Variants in PIBF1 observed in about 807,000 individuals in gnomAD.
PIBF1 encodes the protein progesterone-induced-blocking factor 1.
In PIBF1, 90 loss-of-function variants were observed where a neutral mutation model predicts 112.5. The ratio of observed to expected loss-of-function variants is 0.80; its 90% CI spans 0.67 to 0.95. The LOEUF is 0.95. Ranked by LOEUF, PIBF1 falls within the 40% of genes least tolerant of loss-of-function variation. The probability of loss-of-function intolerance (pLI) is 0.00; values close to 1 mark genes in which losing one functional copy is unlikely to be tolerated. For missense variants in PIBF1, 915 were observed against 852.3 expected, an observed-to-expected ratio of 1.07 and a Z score of -0.92; for synonymous variants, 301 against 288.6, an observed-to-expected ratio of 1.04 and a Z score of -0.44.
intron 5 of PIBF1, among the ~76,000 whole-genome samples, chr13:72,804,502 C>T (rs2035628310): frequency 6.6e-6 from 1 of 152,282 alleles, no homozygotes; most frequent in African/African-American, 2.4e-5. Context: ...CTGTCTGTGA[C>T]ATTCCTTCCC....
At chr13:72,792,641 T>G (rs777819125) in intron 3 of PIBF1, 94 bp downstream of exon 3, 3 of 635,918 alleles carry the variant, frequency 4.7e-6, no homozygotes, top group Non-Finnish European at 7.9e-6. Flanking sequence ...TAAGCTAAAA[T>G]AGAGAAATTT....
At chr13:72,855,639 ACT>A (rs755362513) in intron 10 of PIBF1, among the ~76,000 whole-genome samples, 1 of 152,008 alleles carries the variant, frequency 6.6e-6, no homozygotes, top group East Asian at 1.9e-4. Context: ...ACAGAGTGAG[ACT>A]CTGTCTCAAA....
rs552519129 is a variant in PIBF1 at position 72,978,804 on chromosome 13, G to A, written c.2049+5129G>A. On this transcript the variant is annotated intron_variant, in intron 16 of 17. Transcript: ENST00000326291. ...CCTAAATAATTAGATATTGAAAAGA[G>A]GTAAAAGGAAAAGATAAACTGATAG... is the stretch of plus-strand genomic sequence containing the variant. 4.9e-4 allele frequency among the ~76,000 whole-genome samples: 75 copies of A among 152,188 alleles called. 1 individual carries two copies. Among genetic ancestry groups the A allele is most frequent in the Non-Finnish European group, 8.4e-4 (57 of 68,014 alleles).
intron 9 of PIBF1, among the ~76,000 whole-genome samples, chr13:72,850,727 C>T (rs138989541): frequency 4.6e-5 from 7 of 151,890 alleles, no homozygotes; most frequent in African/African-American, 9.7e-5. Context: ...TACATCATTT[C>T]GAAATGAAAA....
At chr13:72,899,568 C>T (rs1384551954) in intron 11 of PIBF1, among the ~76,000 whole-genome samples, 1 of 152,154 alleles carries the variant, frequency 6.6e-6, no homozygotes, top group Admixed American at 6.5e-5. Flanking sequence ...TCCAGCATCG[C>T]TTTATGATTG....
At chr13:72,845,494 A>G (rs761958228) in intron 9 of PIBF1, among the ~76,000 whole-genome samples, 10 of 152,080 alleles carry the variant, frequency 6.6e-5, no homozygotes, top group South Asian at 2.1e-4. Context: ...TATTCCTTTT[A>G]TAGTAGAGTG....
chr13:72,905,453 G>A (rs976451567), intron 11 of PIBF1, among the ~76,000 whole-genome samples: 3 of 152,042 alleles, frequency 2.0e-5, no homozygotes, highest in African/African-American at 7.2e-5. Context: ...ACTCTGATTA[G>A]TGAAACTAAT....
intron 17 of PIBF1, among the ~76,000 whole-genome samples, chr13:73,004,248 T>C (rs1344449847): frequency 6.6e-6 from 1 of 152,120 alleles, no homozygotes; most frequent in Non-Finnish European, 1.5e-5. Context: ...CCCAACACTT[T>C]GGGAGGCCGA....
intron 10 of PIBF1, among the ~76,000 whole-genome samples, chr13:72,872,524 C>T (rs933943972): frequency 6.6e-6 from 1 of 152,054 alleles, no homozygotes; most frequent in African/African-American, 2.4e-5. Context: ...ATGCTGAAAC[C>T]TGTAGTAAGT....
At chr13:72,787,286 A>G (rs951626049) in intron 2 of PIBF1, among the ~76,000 whole-genome samples, 1 of 152,100 alleles carries the variant, frequency 6.6e-6, no homozygotes, top group Non-Finnish European at 1.5e-5. Context: ...ATGTTTAGTT[A>G]TGTCTTTATT....
At position 72,862,743 on chromosome 13, in the gene PIBF1, CATATTACCT is replaced by C. The variant is rs2038750046; in HGVS notation, c.1322+8592_1322+8600del. Among the ~76,000 whole-genome samples the C allele has an allele frequency of 3.9e-5, 6 of 152,314 alleles. 1 individual carries two copies. The East Asian group carries it at 7.7e-4, about 20-fold the overall frequency. ...ATCAGTCATGTGAGGTCCCATGAAACATATTACCTATAAGGCCTTCCTGAAAAACCTACT... is the reference window on the plus strand; with the variant it reads ...ATCAGTCATGTGAGGTCCCATGAAACATAAGGCCTTCCTGAAAAACCTACT... On this transcript the variant is annotated intron_variant, in intron 10 of 17. Coordinates refer to ENST00000326291, the MANE Select transcript of PIBF1 (RefSeq NM_006346.4).
At chr13:72,822,062 A>T in intron 6 of PIBF1, 80 bp downstream of exon 6, 1 of 1,282,178 alleles carries the variant, frequency 7.8e-7, no homozygotes, top group South Asian at 1.6e-5. Flanking sequence ...ACCAACAATC[A>T]GTTGTTAATT....
At chr13:72,958,309 C>CAAAAAAAAAAAAA (rs71799519) in intron 14 of PIBF1, among the ~76,000 whole-genome samples, 1 of 68,748 alleles carries the variant, frequency 1.5e-5, no homozygotes. Context: ...GACCCTATCT[C>CAAAAAAAAAAAAA]AAAAAAAAAA....
intron 10 of PIBF1, among the ~76,000 whole-genome samples, chr13:72,892,804 ACACACG>A (rs777335333): frequency 4.8e-4 from 71 of 149,350 alleles, no homozygotes; most frequent in South Asian, 6.4e-4. Flanking sequence ...ACACACACAC[ACACACG>A]CACACGCACA....
rs1052620439 is a variant in PIBF1 at position 72,946,891 on chromosome 13, C to T, written c.1833+15624C>T. Among the ~76,000 whole-genome samples the T allele has an allele frequency of 2.0e-5, 3 of 152,170 alleles. No homozygotes were observed. In the East Asian group the frequency reaches 5.8e-4, roughly 29 times the overall value. ...GCTCCCAGCTGCTTTCATGGGCTGG[C>T]AGTGTCTACAACTTTTCAGGCAGAC... On this transcript the variant is annotated intron_variant, in intron 14 of 17. Transcript: ENST00000326291.
At chr13:72,977,829 G>A (rs1360923091) in intron 16 of PIBF1, among the ~76,000 whole-genome samples, 3 of 152,120 alleles carry the variant, frequency 2.0e-5, no homozygotes, top group Non-Finnish European at 4.4e-5. Context: ...ACTATGAGTG[G>A]AATATTAGGT....
At position 72,854,090 on chromosome 13, in the gene PIBF1, T is replaced by C. The variant is rs2038300685; in HGVS notation, c.1257T>C (p.Ala419=). 1.2e-6 allele frequency: 2 copies of C among 1,613,328 alleles called. No individual in the cohort carries two copies. The highest frequency in any genetic ancestry group is 8.5e-7 in the Non-Finnish European group (1 of 1,179,424). ...NLREARDNAV[A]EKERAVMAEK... is the part of the protein sequence containing the mutation. ...GAGAAGCAAGGGATAATGCTGTGGC[T>C]GAAAAGGAACGAGCAGTGATGGCTG... Residue 419 remains alanine, a synonymous_variant, in exon 10 of 18, where the codon GCT becomes GCC. Transcript: ENST00000326291.
Position 73,012,596 on chromosome 13 carries a change from A to T in PIBF1, c.2224-3273A>T, listed in dbSNP as rs540375736. Among the ~76,000 whole-genome samples, 222 of 151,660 alleles carry T rather than the reference A, an allele frequency of 1.5e-3. 9 individuals are homozygous for T. In the South Asian group the frequency reaches 0.045, roughly 30 times the overall value. On this transcript the variant is annotated intron_variant, in intron 17 of 17. Transcript: ENST00000326291. ...ACACCAAAAAAAACAAAAAAAAACA[A>T]AAAAAACACTTAGCCAGGCACTGTG...
intron 5 of PIBF1, among the ~76,000 whole-genome samples, chr13:72,819,800 C>T (rs534489979): frequency 1.5e-4 from 23 of 152,168 alleles, no homozygotes; most frequent in Admixed American, 9.8e-4. Context: ...TGTTGGTTCT[C>T]GGTAATATTT....
Sources: allele counts gnomAD v4.1 joint callset (sites outside exome capture counted in the v4.1 genomes callset), GRCh38; gene constraint gnomAD v4.1.1; transcripts MANE v1.5; gene names NCBI Gene and HGNC (gene_info 2026-07-23, HGNC 2026-07-21).